The following CRISPLD1 variants were observed in gnomAD, a reference collection of about 807,000 sequenced individuals.
CRISPLD1 encodes the protein cysteine rich secretory protein LCCL domain containing 1, also known as cysteine-rich secretory protein LCCL domain-containing 1.
Under a neutral mutation model 77.5 loss-of-function variants are expected in CRISPLD1, and 60 were observed. The ratio of observed to expected loss-of-function variants is 0.77; its 90% confidence interval spans 0.63 to 0.96. CRISPLD1 has a LOEUF of 0.96. Among genes scored for constraint, CRISPLD1 ranks in the 40% least tolerant of loss-of-function variants. The pLI, the probability that CRISPLD1 is intolerant of heterozygous loss-of-function variation, is 0.00. For synonymous variants in CRISPLD1, 195 were observed against 200.1 expected (o/e 0.97, Z 0.22); for missense variants, 623 against 615.8 (o/e 1.01, Z -0.12).
intron 14 of CRISPLD1, among the ~76,000 whole-genome samples, chr8:75,031,343 A>G (rs1371495425): frequency 6.6e-6 from 1 of 152,074 alleles, no homozygotes; most frequent in Non-Finnish European, 1.5e-5. Context: ...GTAATTATTA[A>G]GAAAATAAAA....
At chr8:75,011,993 A>G (rs1425275595) in intron 2 of CRISPLD1, among the ~76,000 whole-genome samples, 1 of 152,090 alleles carries the variant, frequency 6.6e-6, no homozygotes. Flanking sequence ...ATAAAGCTGG[A>G]TTGTGAAGGA....
At chr8:75,002,111 T>G (rs189841910) in intron 2 of CRISPLD1, among the ~76,000 whole-genome samples, 1 of 152,130 alleles carries the variant, frequency 6.6e-6, no homozygotes, top group African/African-American at 2.4e-5. Flanking sequence ...AAGCTAGGAG[T>G]AACATACTCC....
At chr8:75,008,176 G>C (rs915534223) in intron 2 of CRISPLD1, among the ~76,000 whole-genome samples, 1 of 152,280 alleles carries the variant, frequency 6.6e-6, no homozygotes, top group African/African-American at 2.4e-5. Context: ...ACAACTTTCA[G>C]ATGTAGTTGG....
At chr8:75,004,590 C>G (rs1160121037) in intron 2 of CRISPLD1, among the ~76,000 whole-genome samples, 3 of 152,074 alleles carry the variant, frequency 2.0e-5, no homozygotes, top group Non-Finnish European at 4.4e-5. Flanking sequence ...TAGTTAGGAT[C>G]ACGTTGACAA....
chr8:74,995,248 A>G (rs78309290), intron 2 of CRISPLD1, among the ~76,000 whole-genome samples: 6,469 of 152,270 alleles, frequency 0.042, 411 homozygotes, highest in African/African-American at 0.14. Flanking sequence ...CTGGAATTCA[A>G]ATGAAAAGCA....
chr8:75,031,759 C>T (rs986281744), intron 14 of CRISPLD1, among the ~76,000 whole-genome samples: 1 of 152,008 alleles, frequency 6.6e-6, no homozygotes, highest in African/African-American at 2.4e-5. Context: ...TAAGCTAGCG[C>T]TCTAGAGTAT....
Position 75,029,374 on chromosome 8 carries a change from T to C in CRISPLD1, c.1321-13T>C, listed in dbSNP as rs1813292477. The C allele has an allele frequency of 6.2e-7, 1 of 1,605,764 alleles. No individual in the cohort carries two copies. The highest frequency in any genetic ancestry group is 8.5e-7 in the Non-Finnish European group (1 of 1,177,068). ...ATTTCCAATAATGGCAGTTTGTTTC[T>C]TTACCTTCTCAGCTGTCCAGTATCT... On this transcript the variant is annotated splice_polypyrimidine_tract_variant and intron_variant, in intron 13 of 14. Transcript: ENST00000262207.
chr8:75,021,131 T>A (rs1813128008), intron 12 of CRISPLD1, among the ~76,000 whole-genome samples: 1 of 152,212 alleles, frequency 6.6e-6, no homozygotes, highest in African/African-American at 2.4e-5. Context: ...CTTAAGGAGC[T>A]TAATTTTTAT....
chr8:75,017,704 A>G (rs1813059625), intron 10 of CRISPLD1, among the ~76,000 whole-genome samples: 1 of 152,202 alleles, frequency 6.6e-6, no homozygotes. Flanking sequence ...ATAAATTTAC[A>G]GTTAATTCCC....
rs1457425720 is a variant in CRISPLD1, at chr8:75,017,407, C to T, written c.1084C>T (p.His362Tyr). 1 of 1,609,646 alleles carries T rather than the reference C, an allele frequency of 6.2e-7. No homozygotes were observed. Among genetic ancestry groups the T allele is most frequent in the East Asian group, 2.2e-5 (1 of 44,546 alleles). The change falls in exon 10 of 15, where the codon CAT becomes TAT. Residue 362 changes from histidine to tyrosine, a missense_variant. Transcript: ENST00000262207. ...AGATATCACTAGACAAGGAAGAAAG[C>T]ATTATTTCATCAAGTCCAATAGAAA... is the stretch of plus-strand genomic sequence containing the variant. Reference protein sequence around the residue: ...WVDITRQGRKHYFIKSNRNGI... With the variant: ...WVDITRQGRKYYFIKSNRNGI...
Position 75,033,021 on chromosome 8 carries a change from G to C in CRISPLD1, c.*779G>C, listed in dbSNP as rs1813379616. On this transcript the variant is annotated 3_prime_UTR_variant, in exon 15 of 15. Transcript: ENST00000262207. ...TGTATCCTGGCAAATACTCCTGCAG[G>C]CCAGGAAGTATAATAGCAAAAAGTT... 6.6e-6 allele frequency: 1 copy of C among 152,070 alleles called. No homozygotes were observed. The highest frequency in any genetic ancestry group is 2.4e-5 in the African/African-American group (1 of 41,364). The allele number at this position is 152,070 out of a possible 1,614,324, so 9.4% of individuals were successfully genotyped here.
rs920724542 is a variant in CRISPLD1 at position 75,034,440 on chromosome 8, T to A, written c.*2198T>A. On this transcript the variant is annotated 3_prime_UTR_variant, in exon 15 of 15. Transcript: ENST00000262207. Reference sequence around the variant, plus strand: ...TTTTTGTTATCTAATTTGGGGAAACTATTCATCTGTCATATACTATTGATC... The same window carrying A: ...TTTTTGTTATCTAATTTGGGGAAACAATTCATCTGTCATATACTATTGATC... The A allele has an allele frequency of 6.6e-6, 1 of 152,094 alleles. No homozygotes were observed. Among genetic ancestry groups the A allele is most frequent in the African/African-American group, 2.4e-5 (1 of 41,462 alleles). 9.4% of individuals were successfully genotyped at this position (152,094 alleles called of 1,614,324 possible).
At chr8:74,990,772 CA>C (rs200515030) in intron 2 of CRISPLD1, among the ~76,000 whole-genome samples, 23,825 of 107,288 alleles carry the variant, frequency 0.22, 1,998 homozygotes, top group African/African-American at 0.28. Flanking sequence ...AAGAAACATA[CA>C]AAAAAAAAAA....
At chr8:75,013,617 ATT>A (rs1563398653) in intron 4 of CRISPLD1, among the ~76,000 whole-genome samples, 4 of 152,068 alleles carry the variant, frequency 2.6e-5, no homozygotes, top group African/African-American at 9.7e-5. Flanking sequence ...GAACATGTAA[ATT>A]TTTGCTCCAG....
rs1444816962 is a variant in CRISPLD1, at chr8:75,033,699, A to G, written c.*1457A>G. 3.9e-5 allele frequency: 6 copies of G among 152,032 alleles called. No individual in the cohort carries two copies. The allele number at this position is 152,032 out of a possible 1,614,324, so 9.4% of individuals were successfully genotyped here. A position where few individuals can be genotyped will look rare whatever the true frequency, so the allele number is the denominator to read the frequency against. On this transcript the variant is annotated 3_prime_UTR_variant, in exon 15 of 15. Transcript: ENST00000262207. ...CAAGGAAAGCAAGAGAGCAGATAATACAAAAGAAAAAGAAGAAGGTTCACA... is the reference window on the plus strand; with the variant it reads ...CAAGGAAAGCAAGAGAGCAGATAATGCAAAAGAAAAAGAAGAAGGTTCACA...
At chr8:75,006,147 C>A (rs1229248718) in intron 2 of CRISPLD1, among the ~76,000 whole-genome samples, 1 of 152,154 alleles carries the variant, frequency 6.6e-6, no homozygotes, top group Non-Finnish European at 1.5e-5. Context: ...CACTGTTTAA[C>A]CCCCACTTAT....
intron 14 of CRISPLD1, among the ~76,000 whole-genome samples, chr8:75,030,678 A>ACATG (rs1554535311): frequency 7.3e-6 from 1 of 137,394 alleles, no homozygotes; most frequent in African/African-American, 3.0e-5. Flanking sequence ...ACCCGGAGAT[A>ACATG]TATGTGTGTG....
intron 12 of CRISPLD1, among the ~76,000 whole-genome samples, chr8:75,020,854 C>G (rs1325680248): frequency 7.9e-5 from 12 of 151,954 alleles, no homozygotes; most frequent in Admixed American, 7.9e-4. Context: ...TTAATATTCT[C>G]TTTTACAAGA....
chr8:74,994,117 G>A (rs1014793843), intron 2 of CRISPLD1, among the ~76,000 whole-genome samples: 5 of 152,192 alleles, frequency 3.3e-5, no homozygotes, highest in African/African-American at 1.2e-4. Context: ...TTTAGGCAGT[G>A]CGAAGAGGAC....
Sources: gnomAD v4.1 joint callset for allele counts (sites outside exome capture counted in the v4.1 genomes callset) on GRCh38, gnomAD v4.1.1 for gene constraint, MANE v1.5 for transcripts, NCBI Gene and HGNC (gene_info 2026-07-23, HGNC 2026-07-21) for gene names.